The following AP2B1 variants were observed in gnomAD, a reference collection of about 807,000 sequenced individuals.
AP2B1 encodes adaptor related protein complex 2 subunit beta 1, also known as AP-2 complex subunit beta.
In AP2B1, 23 loss-of-function variants were observed where a neutral mutation model predicts 102.0. The observed-to-expected ratio is 0.23, with a 90% confidence interval of 0.16 to 0.32. AP2B1 has a LOEUF of 0.32. Ranked by LOEUF, AP2B1 falls within the 10% of genes least tolerant of loss-of-function variation. The pLI, the probability that AP2B1 is intolerant of heterozygous loss-of-function variation, is 1.00. For synonymous variants in AP2B1, 381 were observed against 421.2 expected, an observed-to-expected ratio of 0.90 and a Z score of 1.17; for missense variants, 541 against 1,157.4, an observed-to-expected ratio of 0.47 and a Z score of 7.73.
intron 5 of AP2B1, among the ~76,000 whole-genome samples, chr17:35,613,912 A>G (rs1176540883): frequency 6.6e-6 from 1 of 152,208 alleles, no homozygotes. Context: ...TTTTAGAGCT[A>G]TAGGGAAATA....
chr17:35,669,621 G>A (rs911788880), intron 14 of AP2B1, among the ~76,000 whole-genome samples: 1 of 152,106 alleles, frequency 6.6e-6, no homozygotes, highest in African/African-American at 2.4e-5. Context: ...TTCTTTCATG[G>A]TTTAAACAGA....
At chr17:35,588,893 ATTCT>A (rs1808750174) in intron 1 of AP2B1, among the ~76,000 whole-genome samples, 1 of 152,218 alleles carries the variant, frequency 6.6e-6, no homozygotes, top group Non-Finnish European at 1.5e-5. Context: ...CAGTTCTTTC[ATTCT>A]TTCTTTCCTT....
chr17:35,722,973 AG>A (rs2085446601), intron 21 of AP2B1, among the ~76,000 whole-genome samples: 1 of 152,136 alleles, frequency 6.6e-6, no homozygotes, highest in Non-Finnish European at 1.5e-5. Context: ...GTGGTGGTAG[AG>A]GGGTATCAGA....
intron 11 of AP2B1, among the ~76,000 whole-genome samples, 187 bp downstream of exon 11, chr17:35,639,947 C>T (rs1183486434): frequency 2.6e-5 from 4 of 152,186 alleles, no homozygotes; most frequent in Non-Finnish European, 4.4e-5. Flanking sequence ...GACAGAGTCT[C>T]GCTTTGTTGT....
At chr17:35,659,299 A>G (rs935959570) in intron 14 of AP2B1, among the ~76,000 whole-genome samples, 25 of 152,340 alleles carry the variant, frequency 1.6e-4, no homozygotes, top group Admixed American at 4.6e-4. Context: ...CATTGAACCT[A>G]AAAATGAGAA....
intron 3 of AP2B1, among the ~76,000 whole-genome samples, chr17:35,603,080 A>C (rs1286406454): frequency 6.6e-6 from 1 of 152,142 alleles, no homozygotes; most frequent in Non-Finnish European, 1.5e-5. Flanking sequence ...GGTTCACTGG[A>C]GATATGGTGG....
At chr17:35,615,172 G>A (rs943355684) in intron 5 of AP2B1, among the ~76,000 whole-genome samples, 9 of 152,190 alleles carry the variant, frequency 5.9e-5, no homozygotes, top group African/African-American at 1.9e-4. Flanking sequence ...AGTGGCTGCT[G>A]TTTGAGTCCT....
chr17:35,621,360 C>T (rs1392141543), intron 5 of AP2B1: 1 of 984,168 alleles, frequency 1.0e-6, no homozygotes. Flanking sequence ...GAGAGTGCTG[C>T]CTGGTGAGCC....
intron 6 of AP2B1, among the ~76,000 whole-genome samples, chr17:35,626,030 G>C (rs376754310): frequency 6.6e-6 from 1 of 152,184 alleles, no homozygotes; most frequent in African/African-American, 2.4e-5. Context: ...GGCTAGGAGA[G>C]GGGGGAGACA....
At chr17:35,609,303 T>C (rs925770294) in intron 5 of AP2B1, among the ~76,000 whole-genome samples, 4 of 151,896 alleles carry the variant, frequency 2.6e-5, no homozygotes, top group African/African-American at 9.7e-5. Flanking sequence ...TACCTCAGCC[T>C]CCTGAGCATC....
At chr17:35,642,058 T>C in intron 12 of AP2B1, 83 bp downstream of exon 12, 1 of 1,015,990 alleles carries the variant, frequency 9.8e-7, no homozygotes, top group Admixed American at 1.9e-5. Flanking sequence ...AGGGGATTCA[T>C]TTGGGGAAGC....
intron 2 of AP2B1, among the ~76,000 whole-genome samples, chr17:35,595,764 T>C (rs144441504): frequency 1.2e-3 from 183 of 152,262 alleles, no homozygotes; most frequent in Admixed American, 3.1e-3. Flanking sequence ...TTTTTATTAC[T>C]TACACCTCAC....
intron 14 of AP2B1, among the ~76,000 whole-genome samples, chr17:35,666,163 T>A (rs2075460360): frequency 1.3e-5 from 2 of 152,208 alleles, no homozygotes; most frequent in African/African-American, 4.8e-5. Flanking sequence ...TGGCTCTACC[T>A]GGCTCTACAG....
chr17:35,649,511 C>A (rs1002867507), intron 12 of AP2B1, among the ~76,000 whole-genome samples: 1 of 152,192 alleles, frequency 6.6e-6, no homozygotes, highest in Non-Finnish European at 1.5e-5. Flanking sequence ...CTCAGGTGAT[C>A]CTCCCGCCTC....
At chr17:35,692,850 T>G (rs1325455893) in intron 18 of AP2B1, among the ~76,000 whole-genome samples, 7 of 152,140 alleles carry the variant, frequency 4.6e-5, no homozygotes, top group Middle Eastern at 3.2e-3. Flanking sequence ...ACCCTATCTG[T>G]TTTTGATGGA....
At position 35,587,424 on chromosome 17, in the gene AP2B1, C is replaced by T; in HGVS notation, c.-28C>T. 6.5e-6 allele frequency: 1 copy of T among 153,268 alleles called. No individual in the cohort carries two copies. Among genetic ancestry groups the T allele is most frequent in the Non-Finnish European group, 1.5e-5 (1 of 68,780 alleles). The allele number at this position is 153,268 out of a possible 1,614,324, so 9.5% of individuals were successfully genotyped here. A position where few individuals can be genotyped will look rare whatever the true frequency, so the allele number is the denominator to read the frequency against. The stretch of plus-strand genomic sequence containing the variant: ...CCCCCGCCCTCGCCTTCGCCTCCGC[C>T]TCCGGTGAGTTCAGGGCGGTTGCCT... On this transcript the variant is annotated 5_prime_UTR_variant, in exon 1 of 22. Coordinates refer to ENST00000610402, the MANE Select transcript of AP2B1 (RefSeq NM_001030006.2).
chr17:35,671,886 G>A lies in AP2B1; in HGVS notation c.2164G>A (p.Val722Met), dbSNP rs753705561. ...GATAGGCATGGCACCTGGTGGATAT[G>A]TGGCTCCTAAGGCTGTAAGTAAAGA... is the stretch of plus-strand genomic sequence containing the variant. ...TGIGMAPGGY[V>M]APKAVWLPAV... The change falls in exon 16 of 22, where the codon GTG becomes ATG. Residue 722 changes from valine to methionine, a missense_variant. This residue lies in a region of AP2B1 where 62 missense variants were observed against 87.6 expected (regional missense o/e 0.71). Coordinates refer to ENST00000610402, the MANE Select transcript of AP2B1 (RefSeq NM_001030006.2). 1 of 1,614,122 alleles carries A rather than the reference G, an allele frequency of 6.2e-7. No individual in the cohort carries two copies.
intron 3 of AP2B1, among the ~76,000 whole-genome samples, chr17:35,604,842 C>T (rs1227975724): frequency 1.3e-5 from 2 of 152,178 alleles, no homozygotes; most frequent in Admixed American, 1.3e-4. Context: ...GTAATCCCAG[C>T]ACTAGGATTA....
intron 21 of AP2B1, among the ~76,000 whole-genome samples, chr17:35,718,500 A>C (rs587680712): frequency 6.6e-6 from 1 of 152,128 alleles, no homozygotes; most frequent in Admixed American, 6.6e-5. Flanking sequence ...ATACACTGTC[A>C]TTTATCTTGA....
Sources: gnomAD v4.1 joint callset for allele counts (sites outside exome capture counted in the v4.1 genomes callset) on GRCh38, gnomAD v4.1.1 for gene constraint, gnomAD v4.1.1 regional missense constraint, MANE v1.5 for transcripts, NCBI Gene and HGNC (gene_info 2026-07-23, HGNC 2026-07-21) for gene names.